Variants in TNRC6C observed in about 807,000 individuals in gnomAD.
The protein encoded by TNRC6C is trinucleotide repeat containing adaptor 6C.
A neutral mutation model predicts 153.7 loss-of-function variants in TNRC6C; 20 were observed. The observed-to-expected ratio is 0.13, with a 90% CI of 0.09 to 0.19. The LOEUF is 0.19. TNRC6C is among the 10% of genes least tolerant of loss of function. The probability of loss-of-function intolerance (pLI) is 1.00; values close to 1 mark genes in which losing one functional copy is unlikely to be tolerated. For synonymous variants in TNRC6C, 811 were observed against 841.4 expected, an observed-to-expected ratio of 0.96 and a Z score of 0.63; for missense variants, 1,987 against 2,172.0, an observed-to-expected ratio of 0.91 and a Z score of 1.69.
chr17:78,094,675 A>G (rs1170170234), intron 16 of TNRC6C, among the ~76,000 whole-genome samples: 4 of 152,200 alleles, frequency 2.6e-5, no homozygotes, highest in African/African-American at 9.6e-5. Flanking sequence ...CCTGACCTCA[A>G]GTGATCCGCC....
exon 20 of TNRC6C, chr17:78,105,112 G>A (rs1227139637): frequency 2.8e-6 from 1 of 351,776 alleles, no homozygotes; most frequent in African/African-American, 2.2e-5. Context: ...TTGTCATTTT[G>A]ATTTTTTTTT....
exon 20 of TNRC6C, chr17:78,105,251 G>A (rs1284454054): frequency 6.2e-6 from 1 of 161,976 alleles, no homozygotes; most frequent in South Asian, 2.0e-4. Context: ...AAATGAGCCT[G>A]TGACGATTAT....
Position 78,097,875 on chromosome 17 carries a change from C to T in TNRC6C, c.4307-468C>T. On this transcript the variant is annotated intron_variant, in intron 16 of 19. Coordinates refer to ENST00000301624, the Ensembl canonical transcript of TNRC6C. Reference sequence around the variant, plus strand: ...CTAGTGTTGCAGGTACGCGCCTGGCCTCTAGACTTGCAGGTAGCATTTTCT... The same window carrying T: ...CTAGTGTTGCAGGTACGCGCCTGGCTTCTAGACTTGCAGGTAGCATTTTCT... 6.6e-7 allele frequency: 1 copy of T among 1,508,166 alleles called. No homozygotes were observed. Among genetic ancestry groups the T allele is most frequent in the Non-Finnish European group, 8.9e-7 (1 of 1,122,406 alleles). The allele number at this position is 1,508,166 out of a possible 1,614,324, so 93.4% of individuals were successfully genotyped here. A position where few individuals can be genotyped will look rare whatever the true frequency, so the allele number is the denominator to read the frequency against.
At chr17:78,084,081 C>T (rs1281668680) in intron 11 of TNRC6C, among the ~76,000 whole-genome samples, 3 of 151,956 alleles carry the variant, frequency 2.0e-5, no homozygotes, top group African/African-American at 7.3e-5. Context: ...GTCAGGAGTT[C>T]GAGATTAGTC....
chr17:78,024,200 G>A (rs181490404), intron 1 of TNRC6C, among the ~76,000 whole-genome samples: 32 of 152,288 alleles, frequency 2.1e-4, no homozygotes, highest in East Asian at 7.7e-4. Flanking sequence ...CACATTGAGT[G>A]GTTCTAAGTT....
intron 1 of TNRC6C, among the ~76,000 whole-genome samples, chr17:78,030,687 A>G (rs1298613356): frequency 6.6e-6 from 1 of 152,266 alleles, no homozygotes; most frequent in Non-Finnish European, 1.5e-5. Context: ...ACAAAAATAC[A>G]TATAAATTCA....
At chr17:78,073,186 A>G (rs971841091) in intron 7 of TNRC6C, 92 bp downstream of exon 9, 18 of 1,167,412 alleles carry the variant, frequency 1.5e-5, no homozygotes, top group South Asian at 9.7e-5. Context: ...TTAATGGTTA[A>G]TATGTCCTGG....
chr17:78,079,239 AC>A lies in TNRC6C; in HGVS notation c.3211-155del, dbSNP rs1036315832. ...ACTCCAGTCTGGGTGACAGAACAAG[AC>A]TCTGTCTCAAAAAAATTCTCTTGGG... On this transcript the variant is annotated intron_variant, in intron 9 of 19. Transcript: ENST00000301624. This position sits in a 1 kb window ranked among gnomAD's most constrained non-coding sequence, Gnocchi z 4.3. Among the ~76,000 whole-genome samples the A allele has an allele frequency of 3.3e-5, 5 of 152,100 alleles. No individual in the cohort carries two copies. Among genetic ancestry groups the A allele is most frequent in the African/African-American group, 1.2e-4 (5 of 41,414 alleles).
chr17:78,071,626 G>A (rs113902342), intron 6 of TNRC6C, among the ~76,000 whole-genome samples: 1,868 of 152,214 alleles, frequency 0.012, 39 homozygotes, highest in African/African-American at 0.043. Flanking sequence ...GGGCTCAAGC[G>A]ATCTGCCCGC....
chr17:78,049,282 A>G lies in TNRC6C; in HGVS notation c.220A>G (p.Met74Val). 2 of 1,613,240 alleles carry G rather than the reference A, an allele frequency of 1.2e-6. No homozygotes were observed. Among genetic ancestry groups the G allele is most frequent in the Non-Finnish European group, 1.7e-6 (2 of 1,179,382 alleles). ...CTCTGTCAGTGGTGGGGATGGAAAA[A>G]TGGACACTATGATTGGAGATGGGAG... The change falls in exon 3 of 20, where the codon ATG becomes GTG. Residue 74 changes from methionine to valine, a missense_variant. This residue lies in a region of TNRC6C where 1,052 missense variants were observed against 1,017.0 expected (regional missense o/e 1.03). Coordinates refer to ENST00000301624, the Ensembl canonical transcript of TNRC6C. This position sits in a 1 kb window ranked among gnomAD's most constrained non-coding sequence, Gnocchi z 4.1.
intron 17 of TNRC6C, among the ~76,000 whole-genome samples, chr17:78,100,118 G>C (rs1478469869): frequency 6.6e-6 from 1 of 152,346 alleles, no homozygotes; most frequent in East Asian, 1.9e-4. Context: ...CCTCTTGGCT[G>C]TCTTCACGGG....
exon 3 of TNRC6C, chr17:78,051,394 C>T (rs2072530717): frequency 1.9e-6 from 3 of 1,550,166 alleles, no homozygotes; most frequent in Non-Finnish European, 2.6e-6. Flanking sequence ...GGTCGAGACG[C>T]CGCCCCCGCA....
chr17:78,061,452 A>C (rs557348437), intron 3 of TNRC6C, among the ~76,000 whole-genome samples: 1 of 152,318 alleles, frequency 6.6e-6, no homozygotes, highest in African/African-American at 2.4e-5. Context: ...AGAGTGTCAG[A>C]TGGTACATCC....
exon 4 of TNRC6C, chr17:78,064,895 A>G (rs745704147): frequency 6.2e-7 from 1 of 1,612,182 alleles, no homozygotes; most frequent in Non-Finnish European, 8.5e-7. Flanking sequence ...GGCATTTGGA[A>G]GAGCTGGCGC....
intron 8 of TNRC6C, among the ~76,000 whole-genome samples, chr17:78,076,831 G>A (rs2073094218): frequency 6.6e-6 from 1 of 152,182 alleles, no homozygotes; most frequent in Non-Finnish European, 1.5e-5. Context: ...TGTACACCTA[G>A]AGCTTTGGTA....
chr17:78,065,369 A>G (rs2072854417), intron 4 of TNRC6C, among the ~76,000 whole-genome samples: 1 of 152,034 alleles, frequency 6.6e-6, no homozygotes, highest in Non-Finnish European at 1.5e-5. Flanking sequence ...AAAAAAAAAA[A>G]GCCAAGATTA....
upstream of TNRC6C, among the ~76,000 whole-genome samples, chr17:77,959,042 C>G (rs2070837219): frequency 6.9e-6 from 1 of 144,384 alleles, no homozygotes; most frequent in South Asian, 2.1e-4. Flanking sequence ...TTGCCGGGGC[C>G]GGACCTGGAC....
At chr17:78,106,273 C>T (rs550707299) in exon 20 of TNRC6C, 6 of 151,288 alleles carry the variant, frequency 4.0e-5, no homozygotes, top group Non-Finnish European at 7.4e-5. Context: ...AAAAGACTTC[C>T]GTCGTAAAGA....
intron 1 of TNRC6C, among the ~76,000 whole-genome samples, chr17:77,988,192 T>C (rs74431378): frequency 0.011 from 1,743 of 152,160 alleles, 40 homozygotes; most frequent in African/African-American, 0.039. Flanking sequence ...TCTCAAAAAA[T>C]ATGAGACCTT....
Sources: gnomAD v4.1 joint callset for allele counts (sites outside exome capture counted in the v4.1 genomes callset) on GRCh38, gnomAD v4.1.1 for gene constraint, gnomAD v4.1.1 regional missense constraint, Gnocchi (gnomAD v3.1) non-coding constraint, MANE v1.5 for transcripts, NCBI Gene and HGNC (gene_info 2026-07-23, HGNC 2026-07-21) for gene names.